MXI1: variants seen among roughly 807,000 people sequenced by gnomAD.
MXI1 encodes max-interacting protein 1.
Under a neutral mutation model 36.9 loss-of-function variants are expected in MXI1, and 18 were observed. The ratio of observed to expected loss-of-function variants is 0.49; its 90% CI spans 0.34 to 0.72. The LOEUF is 0.72. Among genes scored for constraint, MXI1 ranks in the 30% least tolerant of loss-of-function variants. MXI1 has a pLI of 0.01. For synonymous variants in MXI1, 160 were observed against 146.7 expected (o/e 1.09, Z -0.65); for missense variants, 304 against 379.1 (o/e 0.80, Z 1.64).
chr10:110,284,046 G>A (rs558183096), intron 5 of MXI1, among the ~76,000 whole-genome samples: 3 of 151,842 alleles, frequency 2.0e-5, no homozygotes, highest in East Asian at 3.9e-4. Context: ...TCCTGCCTTA[G>A]CCTCCCAAAG....
chr10:110,210,349 C>G (rs1321339734), intron 1 of MXI1: 1 of 933,906 alleles, frequency 1.1e-6, no homozygotes, highest in Non-Finnish European at 1.3e-6. Flanking sequence ...CGCAGCCCCC[C>G]TCCTCCGGCC....
intron 2 of MXI1, among the ~76,000 whole-genome samples, chr10:110,236,997 T>C (rs1855498873): frequency 6.6e-6 from 1 of 152,248 alleles, no homozygotes; most frequent in African/African-American, 2.4e-5. Flanking sequence ...ATACACATAC[T>C]TTATTAAATT....
intron 2 of MXI1, among the ~76,000 whole-genome samples, chr10:110,236,498 C>T (rs1370742348): frequency 6.6e-6 from 1 of 152,072 alleles, no homozygotes; most frequent in African/African-American, 2.4e-5. Flanking sequence ...CTCTTTCACC[C>T]AGGCTGGAGT....
chr10:110,282,363 C>T (rs542645230), intron 5 of MXI1, among the ~76,000 whole-genome samples: 2 of 152,118 alleles, frequency 1.3e-5, no homozygotes, highest in South Asian at 4.2e-4. Context: ...TCTTGTTTTT[C>T]TGTTTTGTTA....
intron 3 of MXI1, among the ~76,000 whole-genome samples, chr10:110,253,084 G>A (rs1189292763): frequency 1.3e-5 from 2 of 151,882 alleles, no homozygotes; most frequent in Non-Finnish European, 2.9e-5. Context: ...TATACTTGTG[G>A]GATCTTTATT....
At chr10:110,208,880 T>G (rs1360538957) in intron 1 of MXI1, among the ~76,000 whole-genome samples, 1 of 152,006 alleles carries the variant, frequency 6.6e-6, no homozygotes, top group Non-Finnish European at 1.5e-5. Flanking sequence ...GAAACAATAG[T>G]TGGGGAAGAA....
chr10:110,277,037 G>A (rs1476070407), intron 3 of MXI1, among the ~76,000 whole-genome samples: 2 of 151,926 alleles, frequency 1.3e-5, no homozygotes, highest in African/African-American at 4.8e-5. Flanking sequence ...GTAGAGATGA[G>A]GTTTTACTGG....
At chr10:110,222,129 A>G (rs1854828630) in intron 1 of MXI1, among the ~76,000 whole-genome samples, 1 of 152,060 alleles carries the variant, frequency 6.6e-6, no homozygotes, top group Non-Finnish European at 1.5e-5. Flanking sequence ...AGAGGAGGGG[A>G]GGAGGCTGCA....
intron 3 of MXI1, among the ~76,000 whole-genome samples, chr10:110,251,164 C>T (rs1564716963): frequency 1.3e-5 from 2 of 151,652 alleles, no homozygotes; most frequent in African/African-American, 2.4e-5. Flanking sequence ...AAGGCTATTA[C>T]ATAATTCTGT....
intron 3 of MXI1, chr10:110,257,718 G>T: frequency 4.9e-6 from 1 of 203,506 alleles, no homozygotes; most frequent in Non-Finnish European, 1.0e-5. Context: ...AGAAAAATAA[G>T]CCAAAGAGAA....
At chr10:110,273,375 G>A (rs534918639) in intron 3 of MXI1, among the ~76,000 whole-genome samples, 9 of 152,172 alleles carry the variant, frequency 5.9e-5, no homozygotes, top group Admixed American at 3.3e-4. Flanking sequence ...TTCATGAACC[G>A]AATAAGCTGA....
chr10:110,221,589 A>T (rs1854807572), intron 1 of MXI1, among the ~76,000 whole-genome samples: 1 of 152,242 alleles, frequency 6.6e-6, no homozygotes, highest in South Asian at 2.1e-4. Context: ...TGAGAGATTA[A>T]CACATCCATT....
intron 1 of MXI1, among the ~76,000 whole-genome samples, chr10:110,221,435 T>C (rs1854804085): frequency 6.6e-6 from 1 of 152,194 alleles, no homozygotes; most frequent in African/African-American, 2.4e-5. Flanking sequence ...TCCTCCCAAA[T>C]ACCTTATCAG....
intron 3 of MXI1, among the ~76,000 whole-genome samples, chr10:110,253,267 T>C (rs1305302373): frequency 1.3e-5 from 2 of 152,082 alleles, no homozygotes; most frequent in Non-Finnish European, 2.9e-5. Flanking sequence ...CATTTTTTTT[T>C]CTATACTGCC....
At position 110,284,837 on chromosome 10, in the gene MXI1, G is replaced by C. The variant is rs144193921; in HGVS notation, c.738G>C (p.Val246=). ...RSDSEREEIE[V]DVESTEFSHG... is the part of the protein sequence containing the mutation. ...TTCCTTTGGCAGAGGAGATTGAAGT[G>C]GATGTTGAAAGCACAGAGTTCTCCC... The change falls in exon 6 of 6, where the codon GTG becomes GTC. Residue 246 remains valine (V), a synonymous_variant. Coordinates refer to ENST00000332674, the MANE Select transcript of MXI1 (RefSeq NM_130439.3). The C allele has an allele frequency of 7.1e-5, 113 of 1,602,584 alleles. No individual in the cohort carries two copies. The highest frequency in any genetic ancestry group is 8.8e-5 in the Non-Finnish European group (104 of 1,176,068).
chr10:110,233,825 T>A (rs1855360214), intron 2 of MXI1, among the ~76,000 whole-genome samples: 1 of 152,182 alleles, frequency 6.6e-6, no homozygotes, highest in African/African-American at 2.4e-5. Flanking sequence ...TTGCTATTGC[T>A]GGGTTTCTTA....
intron 3 of MXI1, among the ~76,000 whole-genome samples, chr10:110,251,010 T>TA (rs60315131): frequency 0.1 from 5,531 of 54,916 alleles, 577 homozygotes; most frequent in East Asian, 0.27. Flanking sequence ...AAGTATTTGT[T>TA]AAAAAAAAAA....
intron 3 of MXI1, among the ~76,000 whole-genome samples, chr10:110,269,008 T>C (rs7077557): frequency 0.86 from 131,348 of 152,164 alleles, 57,161 homozygotes; most frequent in East Asian, 1. Flanking sequence ...CTTTTTCTAC[T>C]GCAAATTTTA....
At chr10:110,236,124 C>CTTTTTTTTTTTTTTTTTTTTTTT (rs60576710) in intron 2 of MXI1, among the ~76,000 whole-genome samples, 1 of 33,540 alleles carries the variant, frequency 3.0e-5, no homozygotes, top group Non-Finnish European at 5.6e-5. Context: ...GGTTGAAGTT[C>CTTTTTTTTTTTTTTTTTTTTTTT]TTTTTTTTTT....
Sources: gnomAD v4.1 joint callset for allele counts (sites outside exome capture counted in the v4.1 genomes callset) on GRCh38, gnomAD v4.1.1 for gene constraint, MANE v1.5 for transcripts, NCBI Gene and HGNC (gene_info 2026-07-23, HGNC 2026-07-21) for gene names.